Variants in FSTL4 observed in about 807,000 individuals in gnomAD.
The protein encoded by FSTL4 is follistatin like 4, also known as follistatin-related protein 4.
A neutral mutation model predicts 78.2 loss-of-function variants in FSTL4; 28 were observed. That is an observed-to-expected ratio of 0.36 (90% CI 0.27 to 0.49). FSTL4 has a LOEUF of 0.49. FSTL4 is among the 20% of genes least tolerant of loss of function. The pLI, the probability that FSTL4 is intolerant of heterozygous loss-of-function variation, is 0.98. For synonymous variants in FSTL4, 422 were observed against 440.5 expected, an observed-to-expected ratio of 0.96 and a Z score of 0.53; for missense variants, 922 against 1,084.9, an observed-to-expected ratio of 0.85 and a Z score of 2.11.
chr5:133,451,568 G>GA (rs978119189), intron 3 of FSTL4, among the ~76,000 whole-genome samples: 7 of 151,402 alleles, frequency 4.6e-5, no homozygotes, highest in Non-Finnish European at 7.4e-5. Flanking sequence ...TCTCAAAAAA[G>GA]AAAAAAAAGA....
chr5:133,610,958 A>C (rs1027716362), intron 1 of FSTL4, among the ~76,000 whole-genome samples: 16 of 151,050 alleles, frequency 1.1e-4, no homozygotes, highest in African/African-American at 3.7e-4. Flanking sequence ...TGGCCCAGAG[A>C]ACCTGGACGG....
the FSTL4 span, among the ~76,000 whole-genome samples, chr5:133,766,563 G>A: frequency 6.6e-6 from 1 of 152,282 alleles, no homozygotes; most frequent in South Asian, 2.1e-4. Flanking sequence ...CAGTTCTGAG[G>A]GGAGACTCAA....
chr5:133,304,959 G>A (rs1372085585), intron 6 of FSTL4, among the ~76,000 whole-genome samples: 1 of 152,226 alleles, frequency 6.6e-6, no homozygotes, highest in African/African-American at 2.4e-5. Context: ...AACTTTTCCT[G>A]CACAGCAGGG....
chr5:133,441,764 C>A (rs1318855473), intron 3 of FSTL4, among the ~76,000 whole-genome samples: 1 of 152,230 alleles, frequency 6.6e-6, no homozygotes, highest in Non-Finnish European at 1.5e-5. Flanking sequence ...TCCAGTGCAG[C>A]AGGGTCGGCT....
At position 133,243,161 on chromosome 5, in the gene FSTL4, A is replaced by G. The variant is rs117480036; in HGVS notation, c.894+6249T>C. On this transcript the variant is annotated intron_variant, in intron 7 of 15. Transcript: ENST00000265342. ...ACACTGCCACAAATACTTTCTTCTA[A>G]TGGGTTTTGTTTTTTGCTTTTATCA... is the stretch of plus-strand genomic sequence containing the variant. 1.2e-3 allele frequency among the ~76,000 whole-genome samples: 177 copies of G among 152,266 alleles called. 4 individuals are homozygous for G. The East Asian group carries it at 0.022, about 19-fold the overall frequency.
chr5:133,582,803 T>C (rs1478336053), intron 2 of FSTL4, among the ~76,000 whole-genome samples: 1 of 152,180 alleles, frequency 6.6e-6, no homozygotes, highest in Non-Finnish European at 1.5e-5. Flanking sequence ...CTTCTGCAGG[T>C]ATAGATACCT....
intron 3 of FSTL4, among the ~76,000 whole-genome samples, chr5:133,437,487 T>TG (rs1757059099): frequency 7.8e-6 from 1 of 128,340 alleles, no homozygotes; most frequent in South Asian, 2.6e-4. Context: ...AAATAGGTGT[T>TG]TTTTTTTTTT....
the FSTL4 span, among the ~76,000 whole-genome samples, chr5:133,696,176 C>T: frequency 2.6e-5 from 4 of 152,382 alleles, no homozygotes; most frequent in Admixed American, 2.0e-4. Context: ...GGCTGCCCGG[C>T]TCTGAAGCCT....
chr5:133,602,390 C>T (rs1056467311), intron 2 of FSTL4, among the ~76,000 whole-genome samples: 4 of 152,210 alleles, frequency 2.6e-5, no homozygotes, highest in African/African-American at 9.6e-5. Context: ...TTGATATTAA[C>T]TTACCTTCAA....
At chr5:133,437,497 T>G (rs956820335) in intron 3 of FSTL4, among the ~76,000 whole-genome samples, 8 of 146,360 alleles carry the variant, frequency 5.5e-5, no homozygotes, top group Non-Finnish European at 1.2e-4. Context: ...TTTTTTTTTT[T>G]TTTTTTTTTT....
Position 133,353,789 on chromosome 5 carries a change from G to A in FSTL4, c.410-37137C>T, listed in dbSNP as rs899638218. On this transcript the variant is annotated intron_variant, in intron 4 of 15. Coordinates refer to ENST00000265342, the MANE Select transcript of FSTL4 (RefSeq NM_015082.2). Reference sequence around the variant, plus strand: ...GAAGCAGGAAGGAGGCATGCTGCCTGCGGGGCTTTGTTCACCACGGGCCTC... The same window carrying A: ...GAAGCAGGAAGGAGGCATGCTGCCTACGGGGCTTTGTTCACCACGGGCCTC... 3.3e-5 allele frequency among the ~76,000 whole-genome samples: 5 copies of A among 152,250 alleles called. No homozygotes were observed. In the East Asian group the frequency reaches 9.6e-4, roughly 29 times the overall value.
chr5:133,592,218 C>T (rs776060802), intron 2 of FSTL4, among the ~76,000 whole-genome samples: 16 of 152,170 alleles, frequency 1.1e-4, no homozygotes, highest in Non-Finnish European at 1.8e-4. Flanking sequence ...CACGGTTTGG[C>T]CTGTGCTGCT....
At chr5:133,511,239 A>G (rs1475824125) in intron 3 of FSTL4, among the ~76,000 whole-genome samples, 1 of 152,222 alleles carries the variant, frequency 6.6e-6, no homozygotes, top group Non-Finnish European at 1.5e-5. Flanking sequence ...TGGTTAGGAC[A>G]TGATCAGCAC....
At chr5:133,231,638 G>A (rs542787680) in intron 8 of FSTL4, among the ~76,000 whole-genome samples, 2 of 152,286 alleles carry the variant, frequency 1.3e-5, no homozygotes, top group Non-Finnish European at 2.9e-5. Context: ...CACCTCTCCG[G>A]TTCAAGCAAT....
the FSTL4 span, among the ~76,000 whole-genome samples, chr5:133,754,249 T>C: frequency 6.6e-6 from 1 of 152,224 alleles, no homozygotes; most frequent in African/African-American, 2.4e-5. Flanking sequence ...ATACAAACTA[T>C]CAATTTTTAT....
At chr5:133,466,150 G>C (rs1757701659) in intron 3 of FSTL4, among the ~76,000 whole-genome samples, 1 of 152,254 alleles carries the variant, frequency 6.6e-6, no homozygotes, top group African/African-American at 2.4e-5. Flanking sequence ...GGAGGGGGCA[G>C]GGTGGGGACA....
the FSTL4 span, among the ~76,000 whole-genome samples, chr5:133,796,613 C>T: frequency 6.6e-6 from 1 of 152,044 alleles, no homozygotes; most frequent in African/African-American, 2.4e-5. Flanking sequence ...ACCAAACTCC[C>T]CTTGGCGTTC....
chr5:133,555,582 A>AATGT (rs1374114184), intron 3 of FSTL4, among the ~76,000 whole-genome samples: 2 of 152,224 alleles, frequency 1.3e-5, no homozygotes, highest in Non-Finnish European at 2.9e-5. Context: ...ACACTATTTG[A>AATGT]ATGTAAGGTA....
intron 3 of FSTL4, among the ~76,000 whole-genome samples, chr5:133,410,184 T>C (rs187682353): frequency 2.3e-3 from 346 of 152,168 alleles, no homozygotes; most frequent in Non-Finnish European, 3.8e-3. Context: ...CTTGGGAGAG[T>C]TTCTTTTACA....
Sources: allele counts gnomAD v4.1 joint callset (sites outside exome capture counted in the v4.1 genomes callset), GRCh38; gene constraint gnomAD v4.1.1; transcripts MANE v1.5; gene names NCBI Gene and HGNC (gene_info 2026-07-23, HGNC 2026-07-21).